TULP4: variants seen among roughly 807,000 people sequenced by gnomAD.
TULP4 encodes the protein tubby-related protein 4.
Under a neutral mutation model 129.0 loss-of-function variants are expected in TULP4, and 16 were observed. The observed-to-expected ratio is 0.12, with a 90% CI of 0.08 to 0.19. The LOEUF (loss-of-function observed/expected upper bound fraction) is 0.19. Ranked by LOEUF, TULP4 falls within the 10% of genes least tolerant of loss-of-function variation. TULP4 has a pLI of 1.00. For missense variants in TULP4, 1,842 were observed against 2,059.1 expected, an observed-to-expected ratio of 0.89 and a Z score of 2.04; for synonymous variants, 998 against 854.0, an observed-to-expected ratio of 1.17 and a Z score of -2.94.
chr6:158,280,062 A>T (rs939137127), upstream of TULP4, among the ~76,000 whole-genome samples: 4 of 152,204 alleles, frequency 2.6e-5, no homozygotes, highest in African/African-American at 9.6e-5. Context: ...CAGTTTGGTA[A>T]GAAGGAAAGT....
At chr6:158,382,177 A>G (rs1777342891) in intron 1 of TULP4, among the ~76,000 whole-genome samples, 1 of 152,176 alleles carries the variant, frequency 6.6e-6, no homozygotes, top group Non-Finnish European at 1.5e-5. Context: ...TAAAACCTTA[A>G]GAAACAGATT....
At chr6:158,301,943 T>TCTG (rs1199463885) in intron 1 of TULP4, among the ~76,000 whole-genome samples, 1 of 152,238 alleles carries the variant, frequency 6.6e-6, no homozygotes, top group African/African-American at 2.4e-5. Context: ...TCTCTCCTAA[T>TCTG]CTGAACCTTT....
At chr6:158,486,685 G>A (rs1289310600) in intron 8 of TULP4, among the ~76,000 whole-genome samples, 2 of 152,200 alleles carry the variant, frequency 1.3e-5, no homozygotes, top group Non-Finnish European at 2.9e-5. Flanking sequence ...AGCCTCCAGA[G>A]TATGAGGAAA....
chr6:158,407,320 C>T (rs1286099446), intron 1 of TULP4, among the ~76,000 whole-genome samples: 3 of 152,244 alleles, frequency 2.0e-5, no homozygotes, highest in Non-Finnish European at 4.4e-5. Context: ...CAAACTGCTG[C>T]ACACTCACCA....
At chr6:158,365,293 T>C (rs990973057) in intron 1 of TULP4, among the ~76,000 whole-genome samples, 1 of 152,016 alleles carries the variant, frequency 6.6e-6, no homozygotes, top group Non-Finnish European at 1.5e-5. Context: ...AATTCTCTCG[T>C]TTACTGTGCT....
At chr6:158,372,484 G>A (rs1177510602) in intron 1 of TULP4, among the ~76,000 whole-genome samples, 3 of 151,994 alleles carry the variant, frequency 2.0e-5, no homozygotes, top group African/African-American at 7.2e-5. Flanking sequence ...TCCTAAAAGT[G>A]CAGTGTGGCA....
intron 2 of TULP4, among the ~76,000 whole-genome samples, chr6:158,426,190 G>C (rs1019911937): frequency 2.6e-5 from 4 of 151,956 alleles, no homozygotes; most frequent in African/African-American, 9.7e-5. Flanking sequence ...TTACTTTATT[G>C]ATAGTTTCTT....
intron 8 of TULP4, among the ~76,000 whole-genome samples, chr6:158,488,975 C>A (rs1195422469): frequency 6.6e-6 from 1 of 152,188 alleles, no homozygotes; most frequent in Non-Finnish European, 1.5e-5. Context: ...CCCAGAAGAA[C>A]CCAGAGCCAT....
At chr6:158,472,323 A>G (rs918613438) in intron 6 of TULP4, among the ~76,000 whole-genome samples, 1 of 152,158 alleles carries the variant, frequency 6.6e-6, no homozygotes, top group Non-Finnish European at 1.5e-5. Flanking sequence ...CTGAATTTAA[A>G]CTATTTGAGC....
chr6:158,474,894 T>C (rs572195442), intron 6 of TULP4, among the ~76,000 whole-genome samples: 1 of 152,224 alleles, frequency 6.6e-6, no homozygotes, highest in Non-Finnish European at 1.5e-5. Flanking sequence ...AGATTAAGGA[T>C]ACTTCACCTG....
In TULP4 at chr6:158,502,288, G is replaced by A. The variant is rs539810890; in HGVS notation, c.2625G>A (p.Thr875=). ...AGGGCGACTTCTCCCTCTACCCCAC[G>A]TCAGTGCACTACCAGACCCCCCTGG... is the stretch of plus-strand genomic sequence containing the variant. The part of the protein sequence containing the change: ...LKKGDFSLYP[T]SVHYQTPLGY... Residue 875 remains threonine (T), a synonymous_variant, in exon 13 of 14, where the codon ACG becomes ACA. Coordinates refer to ENST00000367097, the MANE Select transcript of TULP4 (RefSeq NM_020245.5). 70 of 1,434,112 alleles carry A rather than the reference G, an allele frequency of 4.9e-5. No individual in the cohort carries two copies. The highest frequency in any genetic ancestry group is 1.2e-4 in the African/African-American group (8 of 66,588). The allele number at this position is 1,434,112 out of a possible 1,614,324, so 88.8% of individuals were successfully genotyped here.
At chr6:158,455,542 G>A (rs976662186) in intron 5 of TULP4, among the ~76,000 whole-genome samples, 5 of 151,880 alleles carry the variant, frequency 3.3e-5, no homozygotes, top group African/African-American at 1.2e-4. Flanking sequence ...TTCGAGACCA[G>A]CCTGGCCAAC....
At chr6:158,401,400 C>T (rs1303484110) in intron 1 of TULP4, among the ~76,000 whole-genome samples, 1 of 152,176 alleles carries the variant, frequency 6.6e-6, no homozygotes, top group East Asian at 1.9e-4. Flanking sequence ...GCTGTTTTTC[C>T]CTGGCAACTA....
At chr6:158,264,982 A>T (rs867220651) in intron 1 of TULP4, among the ~76,000 whole-genome samples, 1 of 152,248 alleles carries the variant, frequency 6.6e-6, no homozygotes, top group African/African-American at 2.4e-5. Context: ...GACTAACTTC[A>T]GGTGGTGCCT....
In TULP4 at chr6:158,408,608, A is replaced by G. The variant is rs181441045; in HGVS notation, c.253-4457A>G. Among the ~76,000 whole-genome samples the G allele has an allele frequency of 3.3e-5, 5 of 152,190 alleles. No individual in the cohort carries two copies. The East Asian group carries it at 9.7e-4, about 29-fold the overall frequency. ...CAAGCAGACGAGGAAAGGGGCAGCAAGAGGGTCCTGGTGGCCACAGCTGTG... is the reference window on the plus strand; with the variant it reads ...CAAGCAGACGAGGAAAGGGGCAGCAGGAGGGTCCTGGTGGCCACAGCTGTG... On this transcript the variant is annotated intron_variant, in intron 1 of 13. Coordinates refer to ENST00000367097, the MANE Select transcript of TULP4 (RefSeq NM_020245.5).
At chr6:158,411,554 T>TA (rs898557417) in intron 1 of TULP4, among the ~76,000 whole-genome samples, 28 of 152,308 alleles carry the variant, frequency 1.8e-4, no homozygotes, top group African/African-American at 6.7e-4. Context: ...TTTGCAGTTT[T>TA]AAAAAAGAGC....
At chr6:158,433,945 GTTC>G (rs150904371) in intron 3 of TULP4, among the ~76,000 whole-genome samples, 41,841 of 151,950 alleles carry the variant, frequency 0.28, 6,355 homozygotes, top group Middle Eastern at 0.35. Flanking sequence ...ATTTCTCACA[GTTC>G]TTCTGGAGGC....
chr6:158,314,227 C>G lies in TULP4; in HGVS notation c.211C>G (p.Pro71Ala). 6.2e-7 allele frequency: 1 copy of G among 1,614,088 alleles called. No individual in the cohort carries two copies. Residue 71 changes from proline to alanine, a missense_variant, in exon 1 of 14, where the codon CCA (proline) becomes GCA (alanine). Pro to Ala is a conservative substitution (Grantham distance 27, BLOSUM62 -1). Around this residue, in one of 5 missense-constraint regions of TULP4, gnomAD observed 151 missense variants for 268.7 expected, o/e 0.56. Transcript: ENST00000367097. ...TCACTGTCGCAGGGACAGGAGTACT[C>G]CACAGAGGATAAATTTCAACCTCCG... ...SSHCRRDRST[P>A]QRINFNLRGH...
chr6:158,264,817 G>A (rs538683558), intron 1 of TULP4, among the ~76,000 whole-genome samples: 49 of 152,242 alleles, frequency 3.2e-4, no homozygotes, highest in South Asian at 6.2e-4. Context: ...CATCAGTGCC[G>A]CCCCTGAAAT....
Sources: gnomAD v4.1 joint callset for allele counts (sites outside exome capture counted in the v4.1 genomes callset) on GRCh38, gnomAD v4.1.1 for gene constraint, gnomAD v4.1.1 regional missense constraint, MANE v1.5 for transcripts, NCBI Gene and HGNC (gene_info 2026-07-23, HGNC 2026-07-21) for gene names.